Variants in KLF15 observed in about 807,000 individuals in gnomAD.
KLF15 encodes Krueppel-like factor 15.
Under a neutral mutation model 24.6 loss-of-function variants are expected in KLF15, and 4 were observed. The ratio of observed to expected loss-of-function variants is 0.16; its 90% CI spans 0.08 to 0.37. KLF15 has a LOEUF of 0.37. Among genes scored for constraint, KLF15 ranks in the 10% least tolerant of loss-of-function variants. The pLI is 1.00. For synonymous variants in KLF15, 246 were observed against 236.3 expected (o/e 1.04, Z -0.37); for missense variants, 496 against 560.6 (o/e 0.88, Z 1.16).
chr3:126,338,620 A>C (rs1212476072), downstream of KLF15, among the ~76,000 whole-genome samples: 1 of 152,160 alleles, frequency 6.6e-6, no homozygotes, highest in Admixed American at 6.5e-5. Flanking sequence ...CCAGACTAGT[A>C]ATGTCTTATT....
the KLF15 span, among the ~76,000 whole-genome samples, chr3:126,304,528 T>G: frequency 1.1e-4 from 16 of 152,230 alleles, no homozygotes; most frequent in Admixed American, 7.2e-4. Flanking sequence ...GGAAACTCTC[T>G]GAAGATCTTC....
At chr3:126,333,899 C>T in the KLF15 span, among the ~76,000 whole-genome samples, 2 of 148,478 alleles carry the variant, frequency 1.3e-5, no homozygotes, top group South Asian at 2.2e-4. Flanking sequence ...GCACCCAATA[C>T]AGGAGCACCC....
At chr3:126,320,532 G>GTTTGAGTT in the KLF15 span, among the ~76,000 whole-genome samples, 5 of 152,068 alleles carry the variant, frequency 3.3e-5, no homozygotes, top group Non-Finnish European at 7.4e-5. Flanking sequence ...GCTTTCCTGT[G>GTTTGAGTT]CACATGTGTT....
the KLF15 span, among the ~76,000 whole-genome samples, chr3:126,323,464 ATATATATGT>A: frequency 6.5e-3 from 530 of 81,594 alleles, 21 homozygotes; most frequent in African/African-American, 0.03. Context: ...TATATATAAC[ATATATATGT>A]TATATATATA....
the KLF15 span, among the ~76,000 whole-genome samples, chr3:126,313,716 G>A: frequency 9.9e-5 from 15 of 152,120 alleles, no homozygotes; most frequent in African/African-American, 3.6e-4. Flanking sequence ...GACCTGCCTT[G>A]TATGAGCTAC....
In KLF15 at chr3:126,343,837, A is replaced by G; in HGVS notation, c.1141T>C (p.Tyr381His). The change falls in exon 3 of 3, where the codon TAC becomes CAC. Residue 381 changes from tyrosine to histidine, a missense_variant. Transcript: ENST00000296233. ...TTCTTCTCGCACACAGGACACTGGT[A>G]CGGCTTCACACCTGAGTGCGAGCGC... Reference protein sequence around the residue: ...HRRSHSGVKPYQCPVCEKKFA... With the variant: ...HRRSHSGVKPHQCPVCEKKFA... 1 of 1,611,014 alleles carries G rather than the reference A, an allele frequency of 6.2e-7. No individual in the cohort carries two copies. Among genetic ancestry groups the G allele is most frequent in the Non-Finnish European group, 8.5e-7 (1 of 1,179,628 alleles).
the KLF15 span, among the ~76,000 whole-genome samples, chr3:126,321,446 C>A: frequency 6.6e-6 from 1 of 152,240 alleles, no homozygotes; most frequent in Non-Finnish European, 1.5e-5. Context: ...CAGAGCTCTG[C>A]CCAGCACCAC....
Position 126,343,411 on chromosome 3 carries a change from C to T in KLF15, c.*316G>A. On this transcript the variant is annotated 3_prime_UTR_variant, in exon 3 of 3. Coordinates refer to ENST00000296233, the MANE Select transcript of KLF15 (RefSeq NM_014079.4). ...GCCCAGTGGGAGAAGGGCCAGGTCCCCAAAACTCTGCCTGCAACCAGCGGC... is the reference window on the plus strand; with the variant it reads ...GCCCAGTGGGAGAAGGGCCAGGTCCTCAAAACTCTGCCTGCAACCAGCGGC... 3.0e-6 allele frequency: 1 copy of T among 334,272 alleles called. No homozygotes were observed. The highest frequency in any genetic ancestry group is 5.4e-6 in the Non-Finnish European group (1 of 184,214). The allele number at this position is 334,272 out of a possible 1,614,324, so 20.7% of individuals were successfully genotyped here.
At chr3:126,312,635 G>T in the KLF15 span, among the ~76,000 whole-genome samples, 1 of 152,110 alleles carries the variant, frequency 6.6e-6, no homozygotes, top group Non-Finnish European at 1.5e-5. Flanking sequence ...ATCCATGCAG[G>T]GCACCAAATA....
At chr3:126,311,670 C>T in the KLF15 span, among the ~76,000 whole-genome samples, 25 of 152,248 alleles carry the variant, frequency 1.6e-4, no homozygotes, top group Non-Finnish European at 8.8e-5. Flanking sequence ...TGAGGACTTA[C>T]ATCCTCCAAC....
chr3:126,326,654 C>T, the KLF15 span, among the ~76,000 whole-genome samples: 18 of 152,164 alleles, frequency 1.2e-4, no homozygotes, highest in African/African-American at 4.3e-4. Context: ...TTAGGCTGTG[C>T]CTAGGAGGCA....
chr3:126,290,188 T>A, the KLF15 span, among the ~76,000 whole-genome samples: 1 of 152,224 alleles, frequency 6.6e-6, no homozygotes, highest in Non-Finnish European at 1.5e-5. Flanking sequence ...GTTTTTATTT[T>A]CCTTTCACAT....
intron 1 of KLF15, among the ~76,000 whole-genome samples, chr3:126,355,538 A>G (rs921924838): frequency 6.6e-6 from 1 of 152,102 alleles, no homozygotes; most frequent in African/African-American, 2.4e-5. Flanking sequence ...CTCCAGGCCC[A>G]CTCTGTTACA....
chr3:126,344,203 G>T (rs1388191467), intron 2 of KLF15, among the ~76,000 whole-genome samples: 5 of 152,096 alleles, frequency 3.3e-5, no homozygotes, highest in African/African-American at 1.2e-4. Flanking sequence ...AGGATTACAG[G>T]TGTGCCCACC....
chr3:126,324,002 C>T, the KLF15 span, among the ~76,000 whole-genome samples: 1 of 144,692 alleles, frequency 6.9e-6, no homozygotes, highest in African/African-American at 2.6e-5. Context: ...CATGTCTTTG[C>T]TATTGTAAAT....
At chr3:126,315,135 TG>T in the KLF15 span, among the ~76,000 whole-genome samples, 1 of 152,172 alleles carries the variant, frequency 6.6e-6, no homozygotes, top group Non-Finnish European at 1.5e-5. Context: ...CATGACCACT[TG>T]GGGTTCCCCC....
the KLF15 span, among the ~76,000 whole-genome samples, chr3:126,304,732 G>A: frequency 1.3e-5 from 2 of 152,182 alleles, no homozygotes. Context: ...GCTTCATGCA[G>A]GAAGAATAAT....
the KLF15 span, among the ~76,000 whole-genome samples, chr3:126,323,403 T>TTATATATATATATATATATATATATAACA: frequency 2.0e-5 from 1 of 50,832 alleles, no homozygotes; most frequent in African/African-American, 9.6e-5. Context: ...GCCCCAGTAG[T>TTATATATATATATATATATATATATAACA]TATATATATA....
the KLF15 span, among the ~76,000 whole-genome samples, chr3:126,311,947 G>T: frequency 6.6e-6 from 1 of 152,182 alleles, no homozygotes; most frequent in Admixed American, 6.5e-5. Context: ...CCTCTTGTTG[G>T]ATCCACATTT....
Sources: gnomAD v4.1 joint callset for allele counts (sites outside exome capture counted in the v4.1 genomes callset) on GRCh38, gnomAD v4.1.1 for gene constraint, MANE v1.5 for transcripts, NCBI Gene and HGNC (gene_info 2026-07-23, HGNC 2026-07-21) for gene names.